GNAO1: variants seen among roughly 807,000 people sequenced by gnomAD.
GNAO1 encodes the protein G protein subunit alpha o1, also known as guanine nucleotide-binding protein G(o) subunit alpha.
For synonymous variants in GNAO1, 164 were observed against 180.7 expected (o/e 0.91, Z 0.74); for missense variants, 166 against 478.7 (o/e 0.35, Z 6.10).
At chr16:56,238,879 A>C (rs375286344) in intron 2 of GNAO1, among the ~76,000 whole-genome samples, 6 of 152,266 alleles carry the variant, frequency 3.9e-5, no homozygotes, top group African/African-American at 1.4e-4. Flanking sequence ...ACTTCTTTCA[A>C]TGCATGTGTA....
At chr16:56,317,555 G>T (rs1297185963) in intron 3 of GNAO1, among the ~76,000 whole-genome samples, 2 of 152,218 alleles carry the variant, frequency 1.3e-5, no homozygotes, top group Non-Finnish European at 2.9e-5. Flanking sequence ...CTAAGGGATA[G>T]ATAGATGCCA....
chr16:56,272,230 A>G (rs1331543719), intron 2 of GNAO1, among the ~76,000 whole-genome samples: 2 of 152,070 alleles, frequency 1.3e-5, no homozygotes, highest in African/African-American at 4.8e-5. Flanking sequence ...AATGGCATGA[A>G]CCAAGGAGGC....
intron 3 of GNAO1, among the ~76,000 whole-genome samples, chr16:56,287,062 C>CA (rs1285428414): frequency 2.6e-5 from 4 of 152,342 alleles, no homozygotes; most frequent in Non-Finnish European, 4.4e-5. Flanking sequence ...AGCACTGCTG[C>CA]TCCCATGGCA....
chr16:56,249,061 G>A (rs376142929), intron 2 of GNAO1, among the ~76,000 whole-genome samples: 1 of 152,324 alleles, frequency 6.6e-6, no homozygotes, highest in East Asian at 1.9e-4. Context: ...AAACTACGGT[G>A]GTAGTGATTT....
chr16:56,283,699 A>G (rs2037135928), intron 3 of GNAO1, among the ~76,000 whole-genome samples: 1 of 152,104 alleles, frequency 6.6e-6, no homozygotes, highest in Admixed American at 6.5e-5. Context: ...AGATCTGACG[A>G]GGGCTGGAGG....
intron 3 of GNAO1, among the ~76,000 whole-genome samples, chr16:56,281,396 G>A (rs2037112861): frequency 1.3e-5 from 2 of 152,000 alleles, no homozygotes; most frequent in Admixed American, 6.6e-5. Context: ...ACCCCCCTGG[G>A]TTCTCCATGG....
At chr16:56,227,320 G>A (rs745565663) in intron 2 of GNAO1, among the ~76,000 whole-genome samples, 46 of 152,116 alleles carry the variant, frequency 3.0e-4, no homozygotes, top group Admixed American at 6.5e-4. Flanking sequence ...CCAGTGTCCC[G>A]TGCTCTAGAG....
intron 6 of GNAO1, among the ~76,000 whole-genome samples, chr16:56,350,693 C>T (rs2037911815): frequency 6.6e-6 from 1 of 152,108 alleles, no homozygotes; most frequent in Non-Finnish European, 1.5e-5. Context: ...GTGGCCCTGC[C>T]AGGAGCCTCT....
At chr16:56,266,057 C>T (rs1044038566) in intron 2 of GNAO1, among the ~76,000 whole-genome samples, 7 of 152,208 alleles carry the variant, frequency 4.6e-5, no homozygotes, top group Non-Finnish European at 1.0e-4. Flanking sequence ...TTCATGCCAC[C>T]TCATGGCTCT....
chr16:56,346,666 C>T, intron 6 of GNAO1: 1 of 985,428 alleles, frequency 1.0e-6, no homozygotes, highest in Non-Finnish European at 1.2e-6. Flanking sequence ...CCATGGGGAC[C>T]CTAGAGCTCA....
At chr16:56,343,226 C>T (rs886922904) in intron 6 of GNAO1, among the ~76,000 whole-genome samples, 33 of 152,014 alleles carry the variant, frequency 2.2e-4, no homozygotes, top group African/African-American at 6.5e-4. Context: ...CAATGGCTCA[C>T]GCCTATAATC....
At chr16:56,286,469 G>A (rs903105899) in intron 3 of GNAO1, among the ~76,000 whole-genome samples, 44 of 152,212 alleles carry the variant, frequency 2.9e-4, no homozygotes, top group African/African-American at 6.5e-4. Context: ...CTCAGGGGAC[G>A]TCCCTGGCTT....
At chr16:56,312,980 C>T (rs532262355) in intron 3 of GNAO1, among the ~76,000 whole-genome samples, 3 of 152,340 alleles carry the variant, frequency 2.0e-5, no homozygotes, top group Non-Finnish European at 4.4e-5. Flanking sequence ...AGAGCAAGGC[C>T]TCAAGCCCAG....
chr16:56,231,242 C>T (rs2036586326), intron 2 of GNAO1, among the ~76,000 whole-genome samples: 1 of 152,214 alleles, frequency 6.6e-6, no homozygotes, highest in Non-Finnish European at 1.5e-5. Context: ...TCCCAGCCCT[C>T]TGAAATCCAC....
intron 3 of GNAO1, among the ~76,000 whole-genome samples, chr16:56,294,213 C>T (rs1451984148): frequency 2.0e-5 from 3 of 152,072 alleles, no homozygotes; most frequent in African/African-American, 7.3e-5. Context: ...AGGCAGGCCC[C>T]GTCGCTCTCT....
intron 2 of GNAO1, among the ~76,000 whole-genome samples, chr16:56,265,482 A>G (rs2036942688): frequency 6.6e-6 from 1 of 152,242 alleles, no homozygotes. Context: ...GTAGAAAACA[A>G]CATGTACAGT....
intron 2 of GNAO1, among the ~76,000 whole-genome samples, chr16:56,218,293 G>A (rs2036453437): frequency 1.3e-5 from 2 of 152,282 alleles, no homozygotes; most frequent in South Asian, 4.2e-4. Context: ...TGAACAAAGA[G>A]GTGAGTTGTA....
rs186402229 is a variant in GNAO1, at chr16:56,295,351, G to T, written c.303+19279G>T. On this transcript the variant is annotated intron_variant, in intron 3 of 8. Transcript: ENST00000262493. ...TCTGTTCTCTGAGCCTTGCTTTTCT[G>T]GTGTGTAATATGAGGATAATAAGTC... Among the ~76,000 whole-genome samples the T allele has an allele frequency of 9.6e-4, 146 of 152,150 alleles. 1 individual carries two copies. Among genetic ancestry groups the T allele is most frequent in the Admixed American group, 3.7e-3 (57 of 15,290 alleles).
intron 8 of GNAO1, chr16:56,355,633 C>G (rs749179016): frequency 6.6e-6 from 1 of 152,274 alleles, no homozygotes; most frequent in Non-Finnish European, 1.5e-5. Flanking sequence ...GGATGCTTCT[C>G]TTTCGGGTGG....
Sources: allele counts gnomAD v4.1 joint callset (sites outside exome capture counted in the v4.1 genomes callset), GRCh38; gene constraint gnomAD v4.1.1; transcripts MANE v1.5; gene names NCBI Gene and HGNC (gene_info 2026-07-23, HGNC 2026-07-21).